Variants in AGBL1 observed in about 807,000 individuals in gnomAD.
AGBL1 encodes AGBL carboxypeptidase 1.
AGBL1 carries 130 observed loss-of-function variants against 118.9 expected under a neutral mutation model. The ratio of observed to expected loss-of-function variants is 1.09; its 90% CI spans 0.95 to 1.26. The LOEUF is 1.26. Ranked by LOEUF, AGBL1 falls within the 50% of genes most tolerant of loss-of-function variation. The probability of loss-of-function intolerance (pLI) is 0.00; values close to 1 mark genes in which losing one functional copy is unlikely to be tolerated. For missense variants in AGBL1, 1,584 were observed against 1,298.1 expected, an observed-to-expected ratio of 1.22 and a Z score of -3.38; for synonymous variants, 555 against 478.9, an observed-to-expected ratio of 1.16 and a Z score of -2.08.
chr15:87,013,821 G>C (rs2081584747), intron 24 of AGBL1, among the ~76,000 whole-genome samples: 1 of 149,936 alleles, frequency 6.7e-6, no homozygotes, highest in South Asian at 2.1e-4. Flanking sequence ...AGTTAGTTAT[G>C]CTGAATTCCC....
At chr15:86,312,647 C>G (rs1162149072) in intron 17 of AGBL1, among the ~76,000 whole-genome samples, 1 of 152,164 alleles carries the variant, frequency 6.6e-6, no homozygotes, top group Non-Finnish European at 1.5e-5. Flanking sequence ...TTTTCTGTGG[C>G]TCATTGAGCA....
At chr15:86,633,816 A>G (rs1335885634) in intron 21 of AGBL1, among the ~76,000 whole-genome samples, 36 of 5,044 alleles carry the variant, frequency 7.1e-3, no homozygotes, top group East Asian at 0.027. Flanking sequence ...TATATAATGT[A>G]TGTATATATA....
At chr15:86,338,725 G>A (rs2080413359) in intron 17 of AGBL1, among the ~76,000 whole-genome samples, 2 of 152,116 alleles carry the variant, frequency 1.3e-5, no homozygotes, top group African/African-American at 2.4e-5. Flanking sequence ...TGGTTTGAAT[G>A]GGCTGCCCAA....
chr15:86,729,055 T>A (rs548018964), intron 22 of AGBL1, among the ~76,000 whole-genome samples: 4 of 152,214 alleles, frequency 2.6e-5, no homozygotes, highest in Non-Finnish European at 4.4e-5. Flanking sequence ...GTTTATGACC[T>A]GTTAACATTT....
chr15:86,478,842 G>C (rs1003385366), intron 18 of AGBL1, among the ~76,000 whole-genome samples: 1 of 152,124 alleles, frequency 6.6e-6, no homozygotes, highest in African/African-American at 2.4e-5. Flanking sequence ...CTACTACAAG[G>C]CTACAGTAAC....
At chr15:86,441,956 T>G (rs2082069296) in intron 18 of AGBL1, among the ~76,000 whole-genome samples, 2 of 152,184 alleles carry the variant, frequency 1.3e-5, no homozygotes, top group South Asian at 4.1e-4. Context: ...AAGACCTCTG[T>G]GTATCAAAGG....
At chr15:86,750,377 T>G (rs935072042) in intron 22 of AGBL1, among the ~76,000 whole-genome samples, 1 of 151,242 alleles carries the variant, frequency 6.6e-6, no homozygotes. Context: ...AATTGACATT[T>G]TATTTTTCAG....
intron 17 of AGBL1, among the ~76,000 whole-genome samples, chr15:86,331,963 A>G (rs1444051891): frequency 6.6e-6 from 1 of 152,230 alleles, no homozygotes; most frequent in Non-Finnish European, 1.5e-5. Context: ...TGCCCCACTT[A>G]AAAGGCATAG....
At chr15:86,632,404 T>C (rs1448307693) in intron 21 of AGBL1, among the ~76,000 whole-genome samples, 2 of 151,838 alleles carry the variant, frequency 1.3e-5, no homozygotes, top group African/African-American at 2.4e-5. Context: ...GATTTCACCA[T>C]TGCACTCCAG....
chr15:86,500,653 G>A (rs1307410336), intron 18 of AGBL1, among the ~76,000 whole-genome samples: 3 of 151,676 alleles, frequency 2.0e-5, no homozygotes, highest in East Asian at 3.9e-4. Flanking sequence ...ATCCTTCCCT[G>A]TTTTCCTCTC....
At chr15:86,454,692 A>T (rs755380624) in intron 18 of AGBL1, among the ~76,000 whole-genome samples, 5 of 152,216 alleles carry the variant, frequency 3.3e-5, no homozygotes, top group Non-Finnish European at 5.9e-5. Flanking sequence ...TCTTTAATAG[A>T]CAAAACTAAA....
chr15:86,960,021 C>T (rs61131789), intron 23 of AGBL1, among the ~76,000 whole-genome samples: 1,695 of 152,162 alleles, frequency 0.011, 36 homozygotes, highest in African/African-American at 0.038. Flanking sequence ...AAATGTGCAG[C>T]GCATAATATT....
At chr15:86,905,112 T>G (rs1401589114) in intron 22 of AGBL1, among the ~76,000 whole-genome samples, 1 of 152,192 alleles carries the variant, frequency 6.6e-6, no homozygotes, top group Non-Finnish European at 1.5e-5. Context: ...TGGTTGTATG[T>G]TGAGGGGTTG....
At chr15:86,538,109 GTTATTGATACA>G (rs2083450104) in intron 19 of AGBL1, among the ~76,000 whole-genome samples, 1 of 152,174 alleles carries the variant, frequency 6.6e-6, no homozygotes, top group Non-Finnish European at 1.5e-5. Context: ...TGAGCAGTTG[GTTATTGATACA>G]TTCTATTGAG....
intron 17 of AGBL1, among the ~76,000 whole-genome samples, chr15:86,330,071 T>G (rs548801676): frequency 4.3e-4 from 65 of 152,330 alleles, no homozygotes; most frequent in African/African-American, 1.5e-3. Flanking sequence ...TGCTTGTGCC[T>G]ACCATCAAGA....
chr15:86,870,315 T>A (rs1175641162), intron 22 of AGBL1, among the ~76,000 whole-genome samples: 2 of 148,154 alleles, frequency 1.3e-5, no homozygotes, highest in African/African-American at 4.9e-5. Flanking sequence ...TTAAGTCACA[T>A]CTTGAAGGTC....
chr15:86,965,368 T>C (rs2081038668), intron 23 of AGBL1, among the ~76,000 whole-genome samples: 1 of 152,170 alleles, frequency 6.6e-6, no homozygotes, highest in African/African-American at 2.4e-5. Context: ...TGGTTTGCAT[T>C]TCTCCAAAGG....
chr15:86,994,222 G>A (rs1312686809), intron 24 of AGBL1, among the ~76,000 whole-genome samples: 2 of 152,086 alleles, frequency 1.3e-5, no homozygotes, highest in Non-Finnish European at 2.9e-5. Context: ...CCCAGCCTTG[G>A]AATTGAGATG....
chr15:86,167,039 C>T (rs1214833463), intron 5 of AGBL1, among the ~76,000 whole-genome samples: 1 of 152,106 alleles, frequency 6.6e-6, no homozygotes, highest in Non-Finnish European at 1.5e-5. Flanking sequence ...AGTTAATCTT[C>T]TTGCCCAGCC....
Sources: gnomAD v4.1 joint callset for allele counts (sites outside exome capture counted in the v4.1 genomes callset) on GRCh38, gnomAD v4.1.1 for gene constraint, MANE v1.5 for transcripts, NCBI Gene and HGNC (gene_info 2026-07-23, HGNC 2026-07-21) for gene names.